The following MIB1 variants were observed in gnomAD, a reference collection of about 807,000 sequenced individuals.
The protein encoded by MIB1 is MIB E3 ubiquitin protein ligase 1, also known as E3 ubiquitin-protein ligase MIB1.
MIB1 carries 278 observed loss-of-function variants against 124.5 expected under a neutral mutation model. The ratio of observed to expected loss-of-function variants is 2.23; its 90% CI spans 2.02 to 2.47. The LOEUF is 2.47. MIB1 is among the 30% of genes most tolerant of loss of function. The probability of loss-of-function intolerance (pLI) is 0.00; values close to 1 mark genes in which losing one functional copy is unlikely to be tolerated. For synonymous variants in MIB1, 446 were observed against 429.4 expected (o/e 1.04, Z -0.48); for missense variants, 957 against 1,254.4 (o/e 0.76, Z 3.58).
chr18:21,752,022 A>G (rs1598592029), intron 1 of MIB1, among the ~76,000 whole-genome samples: 1 of 152,302 alleles, frequency 6.6e-6, no homozygotes, highest in East Asian at 1.9e-4. Context: ...TTTATTATAT[A>G]TAATTATATT....
intron 6 of MIB1, among the ~76,000 whole-genome samples, chr18:21,781,955 C>T (rs1423860772): frequency 6.6e-6 from 1 of 151,928 alleles, no homozygotes; most frequent in Non-Finnish European, 1.5e-5. Flanking sequence ...TTTGAAAAAT[C>T]CAGCTTTTCA....
intron 7 of MIB1, among the ~76,000 whole-genome samples, chr18:21,795,313 TTATA>T (rs1314870580): frequency 1.5e-5 from 2 of 133,212 alleles, no homozygotes; most frequent in African/African-American, 3.3e-5. Context: ...TAAATATATA[TTATA>T]TATAATATAT....
intron 12 of MIB1, among the ~76,000 whole-genome samples, chr18:21,830,232 A>G (rs1017239652): frequency 3.3e-5 from 5 of 152,172 alleles, no homozygotes; most frequent in Admixed American, 6.6e-5. Context: ...AAGCATTAAA[A>G]AGTATTTTAT....
intron 7 of MIB1, among the ~76,000 whole-genome samples, chr18:21,794,474 C>G (rs2041551381): frequency 6.9e-6 from 1 of 144,696 alleles, no homozygotes; most frequent in Admixed American, 7.0e-5. Context: ...TCTCTCTCTA[C>G]AAGAGAGTCC....
intron 1 of MIB1, among the ~76,000 whole-genome samples, chr18:21,727,984 T>C (rs1294133763): frequency 6.6e-6 from 1 of 152,212 alleles, no homozygotes; most frequent in Non-Finnish European, 1.5e-5. Flanking sequence ...CCAGCTAAGC[T>C]GTGTCTGGAG....
At chr18:21,778,797 T>A (rs2041323260) in intron 5 of MIB1, among the ~76,000 whole-genome samples, 1 of 152,132 alleles carries the variant, frequency 6.6e-6, no homozygotes, top group South Asian at 2.1e-4. Context: ...ACCTTAATTT[T>A]TTTTTAAAAA....
At chr18:21,743,748 C>T (rs992595156) in intron 1 of MIB1, among the ~76,000 whole-genome samples, 3 of 152,022 alleles carry the variant, frequency 2.0e-5, no homozygotes, top group Non-Finnish European at 4.4e-5. Context: ...TTCTTGGTAT[C>T]AGTAATTGTA....
At position 21,842,137 on chromosome 18, in the gene MIB1, T is replaced by A. The variant is rs543005006; in HGVS notation, c.1963-994T>A. ...AAAAAAAGAAGAAAAGAAGCTGAGA[T>A]CAGGTACCTTCTGACCACACTTCAA... On this transcript the variant is annotated intron_variant, in intron 13 of 20. Coordinates refer to ENST00000261537, the MANE Select transcript of MIB1 (RefSeq NM_020774.4). 6.5e-4 allele frequency among the ~76,000 whole-genome samples: 77 copies of A among 118,368 alleles called. 1 individual carries two copies. The East Asian group carries it at 0.017, about 26-fold the overall frequency. The allele number at this position is 118,368 out of a possible 152,430, so 77.7% of individuals were successfully genotyped here. A position where few individuals can be genotyped will look rare whatever the true frequency, so the allele number is the denominator to read the frequency against.
At chr18:21,819,442 A>G (rs2041859717) in intron 11 of MIB1, 53 bp from the exon 12 acceptor site, 11 of 1,164,330 alleles carry the variant, frequency 9.4e-6, no homozygotes, top group Admixed American at 1.9e-5. Context: ...AAGTATTACT[A>G]TTAGATGGGA....
chr18:21,760,126 A>T (rs1261612554), intron 1 of MIB1, among the ~76,000 whole-genome samples: 1 of 152,316 alleles, frequency 6.6e-6, no homozygotes, highest in East Asian at 1.9e-4. Context: ...CCTTAGGGTA[A>T]TATGGTATTC....
intron 6 of MIB1, among the ~76,000 whole-genome samples, chr18:21,780,054 G>C (rs1444965597): frequency 1.3e-5 from 2 of 151,958 alleles, no homozygotes; most frequent in Non-Finnish European, 2.9e-5. Context: ...GAATAGGAAG[G>C]GTTTTACATT....
At chr18:21,805,925 A>G (rs1267522633) in intron 10 of MIB1, among the ~76,000 whole-genome samples, 1 of 106,096 alleles carries the variant, frequency 9.4e-6, no homozygotes, top group Non-Finnish European at 1.8e-5. Context: ...TTTTTTTGAG[A>G]CAGAGTCTCC....
intron 1 of MIB1, among the ~76,000 whole-genome samples, chr18:21,717,705 T>C (rs779954891): frequency 2.0e-5 from 3 of 152,112 alleles, no homozygotes; most frequent in Non-Finnish European, 4.4e-5. Context: ...GATGCCACCT[T>C]ACTCCTGCAA....
intron 1 of MIB1, among the ~76,000 whole-genome samples, chr18:21,745,463 C>G (rs2040900800): frequency 6.6e-6 from 1 of 152,148 alleles, no homozygotes; most frequent in Non-Finnish European, 1.5e-5. Context: ...GGCAAAATTG[C>G]TCCCAATTGA....
At chr18:21,755,226 A>C (rs528015979) in intron 1 of MIB1, among the ~76,000 whole-genome samples, 6 of 152,244 alleles carry the variant, frequency 3.9e-5, no homozygotes, top group African/African-American at 1.4e-4. Context: ...AAGCCTGTAG[A>C]TTAGCACTAC....
intron 11 of MIB1, among the ~76,000 whole-genome samples, chr18:21,817,035 G>A (rs1201911593): frequency 1.3e-5 from 2 of 152,004 alleles, no homozygotes; most frequent in Non-Finnish European, 1.5e-5. Context: ...ACCTGCAGAA[G>A]GGTGTTCCAA....
chr18:21,765,942 AG>A lies in MIB1; in HGVS notation c.401+1del. ...CCGAATTACTACACCGGGAAGTGAGAGGTAGGGAGAACCCTTTTCTTCTTCA... is the reference window on the plus strand; with the variant it reads ...CCGAATTACTACACCGGGAAGTGAGAGTAGGGAGAACCCTTTTCTTCTTCA... The part of the protein sequence containing the change: ...FYRITTPGSE[R>X]VLLESRRKSK... On this transcript the variant is annotated frameshift_variant and splice_region_variant, in exon 2 of 21. Coordinates refer to ENST00000261537, the MANE Select transcript of MIB1 (RefSeq NM_020774.4). LOFTEE classifies it high-confidence loss of function. The A allele has an allele frequency of 6.2e-7, 1 of 1,613,890 alleles. No homozygotes were observed. Among genetic ancestry groups the A allele is most frequent in the Non-Finnish European group, 8.5e-7 (1 of 1,179,778 alleles).
chr18:21,706,592 C>T (rs1479997591), intron 1 of MIB1, among the ~76,000 whole-genome samples: 2 of 152,038 alleles, frequency 1.3e-5, no homozygotes, highest in South Asian at 2.1e-4. Flanking sequence ...GGTGTGGGCT[C>T]GGCGGGCCCT....
intron 5 of MIB1, among the ~76,000 whole-genome samples, chr18:21,778,807 AAGG>A (rs1456985166): frequency 2.6e-5 from 4 of 152,200 alleles, no homozygotes; most frequent in Non-Finnish European, 5.9e-5. Flanking sequence ...TTTTTTAAAA[AAGG>A]AGAATGCATA....
Sources: allele counts gnomAD v4.1 joint callset (sites outside exome capture counted in the v4.1 genomes callset), GRCh38; gene constraint gnomAD v4.1.1; transcripts MANE v1.5; gene names NCBI Gene and HGNC (gene_info 2026-07-23, HGNC 2026-07-21).